The following SOX5 variants were observed in gnomAD, a reference collection of about 807,000 sequenced individuals.
SOX5 encodes transcription factor SOX-5.
In SOX5, 9 loss-of-function variants were observed where a neutral mutation model predicts 92.0. The ratio of observed to expected loss-of-function variants is 0.10; its 90% confidence interval spans 0.06 to 0.17. SOX5 has a LOEUF of 0.17. SOX5 is among the 10% of genes least tolerant of loss of function. The pLI is 1.00. For missense variants in SOX5, 642 were observed against 944.5 expected, an observed-to-expected ratio of 0.68 and a Z score of 4.20; for synonymous variants, 344 against 336.3, an observed-to-expected ratio of 1.02 and a Z score of -0.25.
At chr12:24,484,907 T>C (rs1004593905) in intron 1 of SOX5, among the ~76,000 whole-genome samples, 3 of 152,200 alleles carry the variant, frequency 2.0e-5, no homozygotes, top group Non-Finnish European at 4.4e-5. Flanking sequence ...TAAAACCCTT[T>C]ACTAGAGATC....
At chr12:23,976,174 T>C (rs1465430784) in intron 4 of SOX5, among the ~76,000 whole-genome samples, 3 of 151,960 alleles carry the variant, frequency 2.0e-5, no homozygotes, top group Non-Finnish European at 2.9e-5. Flanking sequence ...ATAAAATACT[T>C]TTCTCCGAGA....
At chr12:23,758,390 T>TG (rs925246080) in intron 3 of SOX5, among the ~76,000 whole-genome samples, 4 of 147,278 alleles carry the variant, frequency 2.7e-5, no homozygotes, top group African/African-American at 1.0e-4. Context: ...TGAACTAAGT[T>TG]TTTTTTTTTT....
chr12:24,068,727 TATATATATATATATATATATAC>T (rs1362763879), intron 4 of SOX5, among the ~76,000 whole-genome samples: 10,273 of 113,396 alleles, frequency 0.091, 611 homozygotes, highest in Non-Finnish European at 0.11. Context: ...TATATATATA[TATATATATATATATATATATAC>T]ACACACACAC....
intron 11 of SOX5, among the ~76,000 whole-genome samples, chr12:23,550,252 CT>C: frequency 6.6e-6 from 1 of 151,954 alleles, no homozygotes; most frequent in South Asian, 2.1e-4. Flanking sequence ...GAAGAGGACA[CT>C]TTTGAGGTTA....
At chr12:24,181,094 T>C (rs1314275492) in intron 4 of SOX5, among the ~76,000 whole-genome samples, 3 of 152,214 alleles carry the variant, frequency 2.0e-5, no homozygotes, top group African/African-American at 4.8e-5. Flanking sequence ...AGATATTCCA[T>C]GGTTGGAGGA....
At chr12:24,203,422 A>T (rs1957725533) in intron 4 of SOX5, among the ~76,000 whole-genome samples, 3 of 152,322 alleles carry the variant, frequency 2.0e-5, no homozygotes, top group East Asian at 3.9e-4. Context: ...TAGGTACCAA[A>T]TGTGCTCACC....
chr12:23,881,582 G>C (rs1344666690), intron 2 of SOX5, among the ~76,000 whole-genome samples: 1 of 152,158 alleles, frequency 6.6e-6, no homozygotes, highest in Non-Finnish European at 1.5e-5. Context: ...AAGTTGTCAA[G>C]GGGAGCGATT....
intron 4 of SOX5, among the ~76,000 whole-genome samples, chr12:24,177,606 CAACTCTTTCTCCCAT>C (rs1375479996): frequency 2.6e-5 from 4 of 152,184 alleles, no homozygotes; most frequent in Non-Finnish European, 5.9e-5. Context: ...TGACTGTACT[CAACTCTTTCTCCCAT>C]AAGTATATTC....
At chr12:24,324,969 A>C (rs1162197974) in intron 2 of SOX5, among the ~76,000 whole-genome samples, 2 of 152,148 alleles carry the variant, frequency 1.3e-5, no homozygotes, top group African/African-American at 4.8e-5. Context: ...CTTAAACTAC[A>C]AACCAGAAAT....
intron 2 of SOX5, among the ~76,000 whole-genome samples, chr12:24,290,598 T>C (rs982509872): frequency 6.6e-6 from 1 of 152,168 alleles, no homozygotes; most frequent in African/African-American, 2.4e-5. Flanking sequence ...TGTGAGCCCA[T>C]CTTGTGTCCT....
chr12:24,063,745 C>T (rs1940165203), intron 4 of SOX5, among the ~76,000 whole-genome samples: 1 of 152,032 alleles, frequency 6.6e-6, no homozygotes, highest in East Asian at 1.9e-4. Context: ...ATAAGGCACA[C>T]GAATATAATG....
chr12:24,033,568 T>C (rs1020773992), intron 4 of SOX5, among the ~76,000 whole-genome samples: 1 of 151,996 alleles, frequency 6.6e-6, no homozygotes, highest in Non-Finnish European at 1.5e-5. Context: ...TCAGACAGGA[T>C]GGTTCTCACA....
chr12:23,761,167 T>C (rs1264578466), intron 3 of SOX5, among the ~76,000 whole-genome samples: 1 of 152,172 alleles, frequency 6.6e-6, no homozygotes, highest in Non-Finnish European at 1.5e-5. Flanking sequence ...ACATGTAGAC[T>C]ATTCATGCCA....
intron 2 of SOX5, among the ~76,000 whole-genome samples, chr12:23,863,458 T>C (rs1177451576): frequency 6.6e-6 from 1 of 152,186 alleles, no homozygotes; most frequent in Non-Finnish European, 1.5e-5. Context: ...TCAAGTTAAA[T>C]AACAAACAAT....
chr12:24,092,656 C>T (rs568704713), intron 4 of SOX5, among the ~76,000 whole-genome samples: 2 of 152,284 alleles, frequency 1.3e-5, no homozygotes, highest in East Asian at 1.9e-4. Context: ...GGACCTTCAT[C>T]CAAGCAACGG....
chr12:23,572,342 C>T (rs2136606976), intron 10 of SOX5, among the ~76,000 whole-genome samples: 1 of 152,132 alleles, frequency 6.6e-6, no homozygotes, highest in Admixed American at 6.5e-5. Context: ...CATTATTACT[C>T]ATTAAAGTTT....
intron 2 of SOX5, among the ~76,000 whole-genome samples, chr12:24,327,409 T>TGAGA (rs1950829426): frequency 2.3e-5 from 1 of 43,004 alleles, no homozygotes; most frequent in African/African-American, 1.1e-4. Flanking sequence ...TTTTTTTTTT[T>TGAGA]TTTTTTTTTT....
chr12:23,617,752 T>C (rs1324075463), intron 8 of SOX5, among the ~76,000 whole-genome samples: 1 of 152,154 alleles, frequency 6.6e-6, no homozygotes, highest in Non-Finnish European at 1.5e-5. Context: ...AAAGGCTTTC[T>C]TCATTACACA....
chr12:23,640,845 T>C lies in SOX5; in HGVS notation c.984A>G (p.Ala328=), dbSNP rs1345240220. 4 of 1,613,904 alleles carry C rather than the reference T, an allele frequency of 2.5e-6. No individual in the cohort carries two copies. The highest frequency in any genetic ancestry group is 3.4e-6 in the Non-Finnish European group (4 of 1,179,820). The change falls in exon 8 of 15, where the codon GCA becomes GCG. Residue 328 remains alanine (A), a synonymous_variant. Transcript: ENST00000451604. ...GGAGTGGGCCTAAGCCTGGTGTTGC[T>C]GCGGCAGCAGCTGCCATGGTAGTTG... ...LIPTTMAAAA[A]ATPGLGPLQL...
Sources: gnomAD v4.1 joint callset for allele counts (sites outside exome capture counted in the v4.1 genomes callset) on GRCh38, gnomAD v4.1.1 for gene constraint, MANE v1.5 for transcripts, NCBI Gene and HGNC (gene_info 2026-07-23, HGNC 2026-07-21) for gene names.